TNFRSF8: variants seen among roughly 807,000 people sequenced by gnomAD.
The protein encoded by TNFRSF8 is TNF receptor superfamily member 8, also known as tumor necrosis factor receptor superfamily member 8.
In TNFRSF8, 26 loss-of-function variants were observed where a neutral mutation model predicts 70.8. The observed-to-expected ratio is 0.37, with a 90% CI of 0.27 to 0.51. TNFRSF8 has a LOEUF of 0.51. Among genes scored for constraint, TNFRSF8 ranks in the 20% least tolerant of loss-of-function variants. The pLI is 0.94. For missense variants in TNFRSF8, 720 were observed against 807.9 expected (o/e 0.89, Z 1.32); for synonymous variants, 356 against 339.2 (o/e 1.05, Z -0.54).
chr1:12,105,872 G>A (rs980897743), intron 4 of TNFRSF8, among the ~76,000 whole-genome samples: 1 of 150,942 alleles, frequency 6.6e-6, no homozygotes, highest in African/African-American at 2.4e-5. Context: ...CTGGGAGGCG[G>A]TGGTTGCAGT....
chr1:12,129,267 G>T (rs1380770771), intron 12 of TNFRSF8, among the ~76,000 whole-genome samples: 1 of 152,148 alleles, frequency 6.6e-6, no homozygotes, highest in Non-Finnish European at 1.5e-5. Flanking sequence ...TAAGTATGAA[G>T]AATTCATTTT....
chr1:12,118,467 C>T (rs1281036966), intron 8 of TNFRSF8, among the ~76,000 whole-genome samples: 1 of 152,120 alleles, frequency 6.6e-6, no homozygotes, highest in Non-Finnish European at 1.5e-5. Flanking sequence ...GAAAAACCAG[C>T]CCTACAAAGG....
chr1:12,141,011 G>A lies in TNFRSF8; in HGVS notation c.1544-1276G>A, dbSNP rs1369515514. On this transcript the variant is annotated intron_variant, in intron 14 of 14. Transcript: ENST00000263932. The surrounding 1 kb of genome is among the most constrained non-coding windows in gnomAD (Gnocchi z 5.4). The stretch of plus-strand genomic sequence containing the variant: ...GCTCTGTTTTGGGGTCTGTGGGGGC[G>A]CCCAGCCCATAGCCTGTCCCGCACT... Among the ~76,000 whole-genome samples the A allele has an allele frequency of 1.3e-5, 2 of 152,226 alleles. No individual in the cohort carries two copies. The highest frequency in any genetic ancestry group is 2.1e-4 in the South Asian group (1 of 4,820).
At chr1:12,093,237 A>T (rs1641275507) in intron 2 of TNFRSF8, among the ~76,000 whole-genome samples, 1 of 152,136 alleles carries the variant, frequency 6.6e-6, no homozygotes, top group Non-Finnish European at 1.5e-5. Flanking sequence ...GGGGGTTAGG[A>T]CTCCAGCATA....
At chr1:12,076,964 C>T (rs968189846) in intron 1 of TNFRSF8, among the ~76,000 whole-genome samples, 1 of 152,078 alleles carries the variant, frequency 6.6e-6, no homozygotes, top group Admixed American at 6.5e-5. Flanking sequence ...TAATTTGGGA[C>T]AGGGTCTCAC....
intron 3 of TNFRSF8, among the ~76,000 whole-genome samples, chr1:12,100,632 A>G (rs1180733999): frequency 1.3e-5 from 2 of 152,160 alleles, no homozygotes; most frequent in East Asian, 3.8e-4. Context: ...CAGAGTCAGG[A>G]TCATCAGAAT....
chr1:12,138,305 C>A lies in TNFRSF8; in HGVS notation c.1412C>A (p.Thr471Asn), dbSNP rs144498730. ...TTAATGAGCCAGCCACTGATGGAGA[C>A]CTGCCACAGCGTGGGGGCAGCCTAC... ...RGLMSQPLME[T>N]CHSVGAAYLE... The change falls in exon 14 of 15, where the codon ACC (threonine) becomes AAC (asparagine). Residue 471 changes from threonine (T) to asparagine (N), a missense_variant. Physicochemically the swap from Thr to Asn is moderately conservative, Grantham distance 65. Coordinates refer to ENST00000263932, the MANE Select transcript of TNFRSF8 (RefSeq NM_001243.5). This position sits in a 1 kb window ranked among gnomAD's most constrained non-coding sequence, Gnocchi z 5.7. 0.012 allele frequency: 19,035 copies of A among 1,613,718 alleles called. 131 individuals carry two copies. The highest frequency in any genetic ancestry group is 0.022 in the South Asian group (2,024 of 91,078).
intron 1 of TNFRSF8, among the ~76,000 whole-genome samples, chr1:12,082,791 G>A (rs1265486770): frequency 2.6e-5 from 4 of 152,052 alleles, no homozygotes; most frequent in South Asian, 2.1e-4. Context: ...AACCATAAAA[G>A]AAAAGATTAG....
At chr1:12,134,542 A>T (rs1389630046) in intron 12 of TNFRSF8, among the ~76,000 whole-genome samples, 2 of 152,158 alleles carry the variant, frequency 1.3e-5, no homozygotes, top group African/African-American at 2.4e-5. Context: ...AGATGAGAAG[A>T]TAGAGGTTGT....
At position 12,138,366 on chromosome 1, in the gene TNFRSF8, C is replaced by G; in HGVS notation, c.1473C>G (p.Ala491=). 1 of 1,613,648 alleles carries G rather than the reference C, an allele frequency of 6.2e-7. No individual in the cohort carries two copies. The highest frequency in any genetic ancestry group is 1.1e-5 in the South Asian group (1 of 91,052). The change falls in exon 14 of 15, where the codon GCC becomes GCG. Residue 491 remains alanine (A), a synonymous_variant. Transcript: ENST00000263932. The surrounding 1 kb of genome is among the most constrained non-coding windows in gnomAD (Gnocchi z 5.7). The part of the protein sequence containing the change: ...ESLPLQDASP[A]GGPSSPRDLP... The stretch of plus-strand genomic sequence containing the variant: ...TGCCGCTGCAGGATGCCAGCCCGGC[C>G]GGGGGCCCCTCGTCCCCCAGGGACC...
intron 12 of TNFRSF8, among the ~76,000 whole-genome samples, chr1:12,135,358 A>G (rs1278871654): frequency 6.7e-6 from 1 of 148,386 alleles, no homozygotes. Context: ...CAGGGGATAG[A>G]GGTGGTCCCC....
rs1486485390 is a variant in TNFRSF8 at position 12,093,536 on chromosome 1, G to GGA, written c.152-3563_152-3562dup. Among the ~76,000 whole-genome samples the GGA allele has an allele frequency of 5.3e-5, 8 of 152,206 alleles. No homozygotes were observed. In the East Asian group the frequency reaches 1.5e-3, roughly 29 times the overall value. On this transcript the variant is annotated intron_variant, in intron 2 of 14. Coordinates refer to ENST00000263932, the MANE Select transcript of TNFRSF8 (RefSeq NM_001243.5). Reference sequence around the variant, plus strand: ...TGGACATAGAAAGACTCATCCTCAAGGAGCTGACTTTTTTTTTTCCTTGAG... The same window carrying GGA: ...TGGACATAGAAAGACTCATCCTCAAGGAGAGCTGACTTTTTTTTTTCCTTGAG...
At chr1:12,116,858 C>T (rs1641740964) in intron 8 of TNFRSF8, among the ~76,000 whole-genome samples, 1 of 151,942 alleles carries the variant, frequency 6.6e-6, no homozygotes. Context: ...TGAGGGCTGC[C>T]AGAGAAGTGA....
Position 12,088,095 on chromosome 1 carries a change from T to C in TNFRSF8, c.151+3544T>C, listed in dbSNP as rs556946438. 6.6e-6 allele frequency among the ~76,000 whole-genome samples: 1 copy of C among 152,146 alleles called. No individual in the cohort carries two copies. The highest frequency in any genetic ancestry group is 2.4e-5 in the African/African-American group (1 of 41,508). ...CCGGGTTTGCTTGTGGGCGGGTTGGTGGAGGAAGGAAGCTGAGGGACCTTT... is the reference window on the plus strand; with the variant it reads ...CCGGGTTTGCTTGTGGGCGGGTTGGCGGAGGAAGGAAGCTGAGGGACCTTT... On this transcript the variant is annotated intron_variant, in intron 2 of 14. Transcript: ENST00000263932. This position sits in a 1 kb window ranked among gnomAD's most constrained non-coding sequence, Gnocchi z 4.0.
intron 12 of TNFRSF8, among the ~76,000 whole-genome samples, chr1:12,134,090 C>G (rs1642102287): frequency 6.6e-6 from 1 of 152,176 alleles, no homozygotes; most frequent in South Asian, 2.1e-4. Flanking sequence ...CACCTAGTGT[C>G]CACACAGCGT....
chr1:12,104,591 G>T (rs1470434650), intron 4 of TNFRSF8, 60 bp downstream of exon 4: 2 of 1,596,704 alleles, frequency 1.3e-6, no homozygotes, highest in African/African-American at 1.3e-5. Flanking sequence ...TGCACCTTCC[G>T]CCCACCCCAG....
At chr1:12,126,940 C>T (rs978581178) in intron 12 of TNFRSF8, among the ~76,000 whole-genome samples, 3 of 152,214 alleles carry the variant, frequency 2.0e-5, no homozygotes, top group Admixed American at 6.5e-5. Flanking sequence ...CTGGAAGCTT[C>T]AGGCCTTCCT....
At chr1:12,078,994 A>G (rs565125107) in intron 1 of TNFRSF8, among the ~76,000 whole-genome samples, 3 of 152,308 alleles carry the variant, frequency 2.0e-5, no homozygotes, top group East Asian at 1.9e-4. Flanking sequence ...CTTGAATAAC[A>G]GAGCGCACAG....
In TNFRSF8 at chr1:12,072,736, T is replaced by C. The variant is rs74052989; in HGVS notation, c.63+9075T>C. Among the ~76,000 whole-genome samples the C allele has an allele frequency of 6.4e-3, 980 of 152,324 alleles. 6 individuals are homozygous for C. The highest frequency in any genetic ancestry group is 0.022 in the African/African-American group (928 of 41,578). The stretch of plus-strand genomic sequence containing the variant: ...ATTGCTGCCTGCCAGGTACGGTTCC[T>C]GCTCTCAGAGAGTGCGTGCACAGAT... On this transcript the variant is annotated intron_variant, in intron 1 of 14. Transcript: ENST00000263932.
Sources: gnomAD v4.1 joint callset for allele counts (sites outside exome capture counted in the v4.1 genomes callset) on GRCh38, gnomAD v4.1.1 for gene constraint, Gnocchi (gnomAD v3.1) non-coding constraint, MANE v1.5 for transcripts, NCBI Gene and HGNC (gene_info 2026-07-23, HGNC 2026-07-21) for gene names.